The following RYR1 variants were observed in gnomAD, a reference collection of about 807,000 sequenced individuals.
The protein encoded by RYR1 is central core disease of muscle.
RYR1 carries 342 observed loss-of-function variants against 583.5 expected under a neutral mutation model. The ratio of observed to expected loss-of-function variants is 0.59; its 90% CI spans 0.54 to 0.64. The LOEUF is 0.64. Ranked by LOEUF, RYR1 falls within the 30% of genes least tolerant of loss-of-function variation. The pLI, the probability that RYR1 is intolerant of heterozygous loss-of-function variation, is 0.00. For missense variants in RYR1, 6,032 were observed against 6,917.2 expected (o/e 0.87, Z 4.54); for synonymous variants, 2,791 against 2,822.5 (o/e 0.99, Z 0.35).
chr19:38,464,654 G>A lies in RYR1; in HGVS notation c.2802G>A (p.Leu934=). 6.3e-7 allele frequency: 1 copy of A among 1,588,714 alleles called. No individual in the cohort carries two copies. Among genetic ancestry groups the A allele is most frequent in the South Asian group, 1.2e-5 (1 of 86,880 alleles). ...SGETLKTLLA[L]GCHVGMADEK... is the part of the protein sequence containing the mutation. ...CCACCCCCAGGACTCTGCTGGCTCT[G>A]GGCTGCCACGTGGGCATGGCGGATG... is the stretch of plus-strand genomic sequence containing the variant. Residue 934 remains leucine (L), a synonymous_variant, in exon 23 of 106, where the codon CTG becomes CTA. Coordinates refer to ENST00000359596, the MANE Select transcript of RYR1 (RefSeq NM_000540.3).
chr19:38,477,851 C>G lies in RYR1; in HGVS notation c.4435C>G (p.Gln1479Glu). The change falls in exon 30 of 106, where the codon CAA (glutamine) becomes GAA (glutamate). Residue 1479 changes from glutamine to glutamate, a missense_variant. By Grantham distance (29) the Gln-to-Glu change is conservative. Coordinates refer to ENST00000359596, the MANE Select transcript of RYR1 (RefSeq NM_000540.3). Reference protein sequence around the residue: ...RVVTVTMGDEQGNVHSSLKCS... With the variant: ...RVVTVTMGDEEGNVHSSLKCS... Reference sequence around the variant, plus strand: ...CGTGACGGTGACCATGGGGGATGAACAAGGCAACGTCCACAGCAGGTGCCG... The same window carrying G: ...CGTGACGGTGACCATGGGGGATGAAGAAGGCAACGTCCACAGCAGGTGCCG... The G allele has an allele frequency of 6.2e-6, 9 of 1,460,896 alleles. No individual in the cohort carries two copies. Among genetic ancestry groups the G allele is most frequent in the Non-Finnish European group, 8.3e-6 (9 of 1,085,714 alleles). The allele number at this position is 1,460,896 out of a possible 1,614,324, so 90.5% of individuals were successfully genotyped here. A position where few individuals can be genotyped will look rare whatever the true frequency, so the allele number is the denominator to read the frequency against.
At chr19:38,475,821 C>T (rs1219266925) in intron 29 of RYR1, among the ~76,000 whole-genome samples, 2 of 152,204 alleles carry the variant, frequency 1.3e-5, no homozygotes, top group Non-Finnish European at 2.9e-5. Flanking sequence ...AACAAAAATT[C>T]ATAATTGTCT....
intron 27 of RYR1, 61 bp downstream of exon 27, chr19:38,469,574 G>A: frequency 6.7e-7 from 1 of 1,502,286 alleles, no homozygotes; most frequent in Non-Finnish European, 9.2e-7. Flanking sequence ...CTTCCACAGT[G>A]CTCTTCTTTG....
Position 38,512,133 on chromosome 19 carries a change from G to A in RYR1, c.9233+1G>A. On this transcript the variant is annotated splice_donor_variant, in intron 62 of 105. Coordinates refer to ENST00000359596, the MANE Select transcript of RYR1 (RefSeq NM_000540.3). LOFTEE classifies it high-confidence loss of function. This position sits in a 1 kb window ranked among gnomAD's most constrained non-coding sequence, Gnocchi z 5.1. Reference sequence around the variant, plus strand: ...TCCTGGCCCGCTCCCTGGATGCCAGGTAGGGCCATAGGCAGTGGCGCCCAC... The same window carrying A: ...TCCTGGCCCGCTCCCTGGATGCCAGATAGGGCCATAGGCAGTGGCGCCCAC... The A allele has an allele frequency of 1.2e-6, 2 of 1,614,168 alleles. No individual in the cohort carries two copies. Among genetic ancestry groups the A allele is most frequent in the Non-Finnish European group, 1.7e-6 (2 of 1,180,022 alleles).
Position 38,502,880 on chromosome 19 carries a change from G to T in RYR1, c.7836G>T (p.Arg2612Ser), listed in dbSNP as rs755128540. ...CTACATCTTGTGCATTGTCCCGCAGGTACATCCGCCCGTCGATGCTGCAGC... is the reference window on the plus strand; with the variant it reads ...CTACATCTTGTGCATTGTCCCGCAGTTACATCCGCCCGTCGATGCTGCAGC... The part of the protein sequence containing the change: ...VIEDCLMSLC[R>S]YIRPSMLQHL... Residue 2612 changes from arginine to serine, a missense_variant and splice_region_variant, in exon 49 of 106, where the codon AGG becomes AGT. By Grantham distance (110) the Arg-to-Ser change is moderately radical (BLOSUM62 -1). This residue lies in a region of RYR1 where 250 missense variants were observed against 162.3 expected (regional missense o/e 1.54). Transcript: ENST00000359596. 3 of 1,610,538 alleles carry T rather than the reference G, an allele frequency of 1.9e-6. No homozygotes were observed. The highest frequency in any genetic ancestry group is 1.3e-5 in the African/African-American group (1 of 74,778).
chr19:38,527,771 A>T lies in RYR1; in HGVS notation c.10811A>T (p.Tyr3604Phe). The stretch of plus-strand genomic sequence containing the variant: ...GTCCAGGAAGTGTCAGCCGTGCTCT[A>T]CTACCTGGACCAGGTGGGTGGGGCC... ...RRVQEVSAVL[Y>F]YLDQTEHPYK... Residue 3604 changes from tyrosine to phenylalanine, a missense_variant, in exon 73 of 106, where the codon TAC (tyrosine) becomes TTC (phenylalanine). By Grantham distance (22) the Tyr-to-Phe change is conservative (BLOSUM62 3). Around this residue, in one of 11 missense-constraint regions of RYR1, gnomAD observed 1,493 missense variants for 1,715.5 expected, o/e 0.87. Coordinates refer to ENST00000359596, the MANE Select transcript of RYR1 (RefSeq NM_000540.3). 2 of 1,613,340 alleles carry T rather than the reference A, an allele frequency of 1.2e-6. No homozygotes were observed. Among genetic ancestry groups the T allele is most frequent in the East Asian group, 4.5e-5 (2 of 44,784 alleles).
chr19:38,497,215 C>T (rs891924632), intron 42 of RYR1, among the ~76,000 whole-genome samples: 5 of 152,038 alleles, frequency 3.3e-5, no homozygotes, highest in Non-Finnish European at 7.4e-5. Flanking sequence ...GGGATGGGGG[C>T]GGATCCGCAC....
chr19:38,505,548 C>A, intron 53 of RYR1, 150 bp downstream of exon 53: 1 of 778,508 alleles, frequency 1.3e-6, no homozygotes. Context: ...TTCTCTCAAA[C>A]TTGGTAGAGT....
At chr19:38,527,857 G>A in intron 73 of RYR1, 73 bp downstream of exon 73, 2 of 1,568,062 alleles carry the variant, frequency 1.3e-6, no homozygotes, top group Non-Finnish European at 1.8e-6. Flanking sequence ...CTTCAAGGAT[G>A]TGGGTGGGGT....
chr19:38,550,207 A>AATAAATT (rs1422371366), intron 89 of RYR1, among the ~76,000 whole-genome samples: 1 of 152,068 alleles, frequency 6.6e-6, no homozygotes, highest in Non-Finnish European at 1.5e-5. Context: ...TCCCTTGTTG[A>AATAAATT]ATAAATTTCT....
intron 28 of RYR1, 104 bp downstream of exon 28, chr19:38,473,875 C>A: frequency 1.2e-6 from 1 of 800,298 alleles, no homozygotes; most frequent in Non-Finnish European, 1.9e-6. Flanking sequence ...CAAAGTAGAC[C>A]CATATATGCT....
intron 49 of RYR1, 75 bp from the exon 50 acceptor site, chr19:38,504,143 GTC>G: frequency 6.0e-6 from 9 of 1,492,380 alleles, no homozygotes; most frequent in African/African-American, 1.4e-5. Flanking sequence ...GCATGCCTGT[GTC>G]TCTCTGGGCC....
In RYR1 at chr19:38,458,155, A is replaced by G. The variant is rs878950984; in HGVS notation, c.2030A>G (p.Gln677Arg). The part of the protein sequence containing the change: ...VDEVTPFLTA[Q>R]ATHLRVGWAL... The stretch of plus-strand genomic sequence containing the variant: ...GAGGTGACTCCATTTCTGACAGCTC[A>G]GGCCACCCACTTGCGGGTGGGCTGG... The change falls in exon 18 of 106, where the codon CAG becomes CGG. Residue 677 changes from glutamine (Q) to arginine (R), a missense_variant. Coordinates refer to ENST00000359596, the MANE Select transcript of RYR1 (RefSeq NM_000540.3). The G allele has an allele frequency of 6.2e-7, 1 of 1,613,126 alleles. No individual in the cohort carries two copies. Among genetic ancestry groups the G allele is most frequent in the Non-Finnish European group, 8.5e-7 (1 of 1,179,210 alleles).
At position 38,499,688 on chromosome 19, in the gene RYR1, C is replaced by T; in HGVS notation, c.7081C>T (p.Pro2361Ser). ...NVVVRLLIRKPECFGPALRGE... is the reference protein window; with the variant it reads ...NVVVRLLIRKSECFGPALRGE... ...GGTGGTGCGGCTGCTCATCCGGAAG[C>T]CTGAGTGCTTCGGACCCGCCCTGCG... is the stretch of plus-strand genomic sequence containing the variant. The change falls in exon 44 of 106, where the codon CCT becomes TCT. Residue 2361 changes from proline (P) to serine (S), a missense_variant. Coordinates refer to ENST00000359596, the MANE Select transcript of RYR1 (RefSeq NM_000540.3). This position sits in a 1 kb window ranked among gnomAD's most constrained non-coding sequence, Gnocchi z 7.3. The T allele has an allele frequency of 6.2e-7, 1 of 1,600,622 alleles. No homozygotes were observed. Among genetic ancestry groups the T allele is most frequent in the Non-Finnish European group, 8.5e-7 (1 of 1,179,852 alleles).
At chr19:38,545,351 G>A (rs1021460702) in intron 87 of RYR1, among the ~76,000 whole-genome samples, 1 of 152,178 alleles carries the variant, frequency 6.6e-6, no homozygotes, top group African/African-American at 2.4e-5. Flanking sequence ...CTTGAGATTA[G>A]GAGTGTCGGG....
chr19:38,483,532 G>C lies in RYR1; in HGVS notation c.4934+16G>C. ...AGGAGAACCGGTCAGGGCCAGCCCA[G>C]CTATGCAGGGGTGGGCAGGTGTTGC... On this transcript the variant is annotated intron_variant, in intron 33 of 105. Transcript: ENST00000359596. The surrounding 1 kb of genome is among the most constrained non-coding windows in gnomAD (Gnocchi z 6.3). 1.3e-6 allele frequency: 2 copies of C among 1,538,146 alleles called. No homozygotes were observed. Among genetic ancestry groups the C allele is most frequent in the Non-Finnish European group, 1.7e-6 (2 of 1,146,290 alleles).
In RYR1 at chr19:38,440,902, G is replaced by A. The variant is rs376787989; in HGVS notation, c.165+38G>A. The A allele has an allele frequency of 5.6e-5, 89 of 1,595,476 alleles. No homozygotes were observed. The African/African-American group carries it at 1.0e-3, about 19-fold the overall frequency. The stretch of plus-strand genomic sequence containing the variant: ...GGGAGAGGGGCCTGGGGACAGGGGC[G>A]TCTGAAGGGGCAGAGAATCTTGGGT... On this transcript the variant is annotated intron_variant, in intron 2 of 105. Transcript: ENST00000359596.
rs574014800 is a variant in RYR1, at chr19:38,530,470, A to G, written c.11141+1413A>G. On this transcript the variant is annotated intron_variant, in intron 76 of 105. Transcript: ENST00000359596. Reference sequence around the variant, plus strand: ...TTCTGGTAGAGATGGGGGTCTCACTATGTTGCCCAGGCCGGTCTCAAACTC... The same window carrying G: ...TTCTGGTAGAGATGGGGGTCTCACTGTGTTGCCCAGGCCGGTCTCAAACTC... Among the ~76,000 whole-genome samples, 44 of 142,786 alleles carry G rather than the reference A, an allele frequency of 3.1e-4. No individual in the cohort carries two copies. The South Asian group carries it at 8.1e-3, about 26-fold the overall frequency. 93.7% of individuals were successfully genotyped at this position (142,786 alleles called of 152,430 possible).
chr19:38,569,807 T>C (rs992610701), intron 93 of RYR1, among the ~76,000 whole-genome samples: 1 of 152,186 alleles, frequency 6.6e-6, no homozygotes, highest in Non-Finnish European at 1.5e-5. Flanking sequence ...GTACTGAGAA[T>C]TAAACAAGCT....
Sources: allele counts gnomAD v4.1 joint callset (sites outside exome capture counted in the v4.1 genomes callset), GRCh38; gene constraint gnomAD v4.1.1; regional missense constraint gnomAD v4.1.1; non-coding constraint Gnocchi (gnomAD v3.1); transcripts MANE v1.5; gene names NCBI Gene and HGNC (gene_info 2026-07-23, HGNC 2026-07-21).